Variants in ZNF638 observed in about 807,000 individuals in gnomAD.
ZNF638 encodes the protein zinc finger protein 638.
ZNF638 carries 46 observed loss-of-function variants against 195.6 expected under a neutral mutation model. The ratio of observed to expected loss-of-function variants is 0.24; its 90% CI spans 0.19 to 0.30. The LOEUF (loss-of-function observed/expected upper bound fraction) is 0.30, where lower values mean the gene tolerates loss of function less well. ZNF638 is among the 10% of genes least tolerant of loss of function. The pLI is 1.00. For missense variants in ZNF638, 2,440 were observed against 2,325.3 expected, an observed-to-expected ratio of 1.05 and a Z score of -1.01; for synonymous variants, 845 against 772.0, an observed-to-expected ratio of 1.09 and a Z score of -1.57.
chr2:71,377,760 G>C (rs112867508), intron 8 of ZNF638, among the ~76,000 whole-genome samples: 71 of 152,300 alleles, frequency 4.7e-4, no homozygotes, highest in African/African-American at 1.7e-3. Context: ...TACATAAGTG[G>C]AATTCCAGAA....
intron 21 of ZNF638, among the ~76,000 whole-genome samples, chr2:71,421,592 T>A (rs1328182709): frequency 1.3e-5 from 2 of 152,158 alleles, no homozygotes; most frequent in African/African-American, 4.8e-5. Context: ...CACACAGATA[T>A]ACACCATCTT....
chr2:71,410,375 T>TG (rs200301123), intron 20 of ZNF638, among the ~76,000 whole-genome samples: 2,926 of 148,112 alleles, frequency 0.02, 72 homozygotes, highest in African/African-American at 0.059. Flanking sequence ...TTTGATTTTT[T>TG]TTTTGTGTGT....
At chr2:71,398,370 T>TA (rs1419877896) in intron 11 of ZNF638, among the ~76,000 whole-genome samples, 1 of 152,180 alleles carries the variant, frequency 6.6e-6, no homozygotes, top group Non-Finnish European at 1.5e-5. Flanking sequence ...TTTAAGTACT[T>TA]ACATGGGAAT....
intron 7 of ZNF638, 23 bp downstream of exon 7, chr2:71,368,551 A>C (rs1227267136): frequency 6.2e-7 from 1 of 1,608,266 alleles, no homozygotes; most frequent in Non-Finnish European, 8.5e-7. Flanking sequence ...GTCTGTGGCA[A>C]AAATTCATAC....
chr2:71,395,961 T>C, intron 10 of ZNF638, 180 bp from the exon 11 acceptor site: 2 of 633,546 alleles, frequency 3.2e-6, no homozygotes, highest in Non-Finnish European at 5.6e-6. Flanking sequence ...TGTATGCCTT[T>C]TGATACATCA....
chr2:71,428,566 A>G lies in ZNF638; in HGVS notation c.5565A>G (p.Arg1855=). The G allele has an allele frequency of 1.2e-6, 2 of 1,613,952 alleles. No homozygotes were observed. Among genetic ancestry groups the G allele is most frequent in the Non-Finnish European group, 1.7e-6 (2 of 1,179,934 alleles). The change falls in exon 25 of 28, where the codon AGA becomes AGG. Residue 1855 remains arginine, a synonymous_variant. Transcript: ENST00000264447. The part of the protein sequence containing the change: ...RHLTAKTPTK[R]VRIGKTLPSE... Reference sequence around the variant, plus strand: ...TTAAAGCTAAAACTCCAACCAAGAGAGTTAGAATTGGGAAAACTCTGCCAT... The same window carrying G: ...TTAAAGCTAAAACTCCAACCAAGAGGGTTAGAATTGGGAAAACTCTGCCAT...
rs1227918432 is a variant in ZNF638, at chr2:71,349,221, T to C, written c.267T>C (p.Phe89=). The change falls in exon 2 of 28, where the codon TTT becomes TTC. Residue 89 remains phenylalanine, a synonymous_variant. Transcript: ENST00000264447. The part of the protein sequence containing the change: ...DPRLTKEKLD[F]HEAQQKKGKP... The stretch of plus-strand genomic sequence containing the variant: ...GATTGACCAAAGAAAAACTGGATTT[T>C]CATGAAGCACAACAGAAGAAGGGGA... 1.9e-6 allele frequency: 3 copies of C among 1,614,032 alleles called. No homozygotes were observed. The African/African-American group carries it at 4.0e-5, about 22-fold the overall frequency.
chr2:71,400,757 A>G (rs958326474), intron 15 of ZNF638, among the ~76,000 whole-genome samples: 3 of 152,196 alleles, frequency 2.0e-5, no homozygotes, highest in African/African-American at 7.2e-5. Flanking sequence ...ACAAATGTAC[A>G]TGTTTTTTGA....
chr2:71,348,100 G>A (rs2078881659), intron 1 of ZNF638, among the ~76,000 whole-genome samples: 1 of 152,168 alleles, frequency 6.6e-6, no homozygotes, highest in Non-Finnish European at 1.5e-5. Flanking sequence ...CAAGGGAAGG[G>A]TTACTGGTTT....
intron 2 of ZNF638, 92 bp from the exon 3 acceptor site, chr2:71,355,627 G>T: frequency 1.1e-6 from 1 of 943,166 alleles, no homozygotes; most frequent in South Asian, 1.7e-5. Context: ...TTTAATTTTT[G>T]AACAAAATAT....
At chr2:71,392,228 C>G (rs144664590) in intron 10 of ZNF638, among the ~76,000 whole-genome samples, 6 of 152,320 alleles carry the variant, frequency 3.9e-5, no homozygotes, top group African/African-American at 1.4e-4. Flanking sequence ...TATTTCAGTT[C>G]TTATCTCATA....
chr2:71,356,108 C>T (rs894905924), intron 3 of ZNF638, among the ~76,000 whole-genome samples: 1 of 152,134 alleles, frequency 6.6e-6, no homozygotes, highest in African/African-American at 2.4e-5. Context: ...CCACCTCTTC[C>T]CATAGGACAA....
chr2:71,372,398 G>C (rs1021091970), intron 8 of ZNF638, among the ~76,000 whole-genome samples: 4 of 152,174 alleles, frequency 2.6e-5, no homozygotes, highest in Non-Finnish European at 4.4e-5. Flanking sequence ...GCTGAGTACA[G>C]CATGGCTTTG....
In ZNF638 at chr2:71,424,017, A is replaced by G; in HGVS notation, c.4503A>G (p.Lys1501=). The G allele has an allele frequency of 6.2e-7, 1 of 1,613,808 alleles. No individual in the cohort carries two copies. Among genetic ancestry groups the G allele is most frequent in the Non-Finnish European group, 8.5e-7 (1 of 1,179,804 alleles). ...CAGAGGCTAGACCTTCCATCATGAA[A>G]CGGGATGACAGCAACAATAAGGTGA... ...QETEARPSIM[K]RDDSNNKTLA... is the part of the protein sequence containing the mutation. The change falls in exon 22 of 28, where the codon AAA becomes AAG. Residue 1501 remains lysine (K), a synonymous_variant. Coordinates refer to ENST00000264447, the MANE Select transcript of ZNF638 (RefSeq NM_014497.5).
At chr2:71,428,169 G>A (rs1460248732) in intron 24 of ZNF638, among the ~76,000 whole-genome samples, 2 of 152,088 alleles carry the variant, frequency 1.3e-5, no homozygotes, top group African/African-American at 2.4e-5. Flanking sequence ...TCCAACCTTG[G>A]TAACAGAGTG....
At chr2:71,393,596 C>T (rs981791509) in intron 10 of ZNF638, 2 of 718,082 alleles carry the variant, frequency 2.8e-6, no homozygotes, top group Non-Finnish European at 5.2e-6. Context: ...CTGCTCCAGA[C>T]ACAGAAACCA....
chr2:71,416,869 T>A (rs958083354), intron 20 of ZNF638, among the ~76,000 whole-genome samples: 4 of 147,654 alleles, frequency 2.7e-5, no homozygotes, highest in Non-Finnish European at 4.5e-5. Flanking sequence ...GGAGAACCAC[T>A]GCTCTCTTCA....
chr2:71,427,278 A>G lies in ZNF638; in HGVS notation c.5409A>G (p.Thr1803=). 6.2e-7 allele frequency: 1 copy of G among 1,613,762 alleles called. No individual in the cohort carries two copies. Among genetic ancestry groups the G allele is most frequent in the Non-Finnish European group, 8.5e-7 (1 of 1,179,946 alleles). ...CACAAAGCAAAAATGACCATCCCAC[A>G]GATAAAAAAGGGAATAGAAAGAAGA... ...ELAQSKNDHP[T]DKKGNRKKRA... is the part of the protein sequence containing the mutation. The change falls in exon 24 of 28, where the codon ACA becomes ACG. Residue 1803 remains threonine, a synonymous_variant. Transcript: ENST00000264447.
At chr2:71,362,093 G>T in intron 3 of ZNF638, among the ~76,000 whole-genome samples, 1 of 152,112 alleles carries the variant, frequency 6.6e-6, no homozygotes, top group Non-Finnish European at 1.5e-5. Flanking sequence ...TTAGAGTTCA[G>T]ATTTTCTAGA....
Sources: gnomAD v4.1 joint callset for allele counts (sites outside exome capture counted in the v4.1 genomes callset) on GRCh38, gnomAD v4.1.1 for gene constraint, MANE v1.5 for transcripts, NCBI Gene and HGNC (gene_info 2026-07-23, HGNC 2026-07-21) for gene names.